EGLN1: variants seen among roughly 807,000 people sequenced by gnomAD.
EGLN1 encodes egl-9 family hypoxia inducible factor 1.
Under a neutral mutation model 38.3 loss-of-function variants are expected in EGLN1, and 17 were observed. The ratio of observed to expected loss-of-function variants is 0.44; its 90% CI spans 0.30 to 0.67. EGLN1 has a LOEUF of 0.67. Among genes scored for constraint, EGLN1 ranks in the 30% least tolerant of loss-of-function variants. The probability of loss-of-function intolerance (pLI) is 0.08; values close to 1 mark genes in which losing one functional copy is unlikely to be tolerated. For synonymous variants in EGLN1, 283 were observed against 257.5 expected (o/e 1.10, Z -0.95); for missense variants, 477 against 603.3 (o/e 0.79, Z 2.19).
chr1:231,366,179 TTAG>T lies in EGLN1; in HGVS notation c.*229_*231del. 1.8e-6 allele frequency: 1 copy of T among 569,480 alleles called. No individual in the cohort carries two copies. The highest frequency in any genetic ancestry group is 2.8e-5 in the East Asian group (1 of 35,170). 35.3% of individuals were successfully genotyped at this position (569,480 alleles called of 1,614,324 possible). ...ATCCAGATGTAAAAACCATTTTCAATTAGTAGCTTATCTTCCTCCTGTAAGCAA... is the reference window on the plus strand; with the variant it reads ...ATCCAGATGTAAAAACCATTTTCAATTAGCTTATCTTCCTCCTGTAAGCAA... On this transcript the variant is annotated 3_prime_UTR_variant, in exon 5 of 5. Transcript: ENST00000366641.
chr1:231,411,262 C>G (rs1042916624), intron 1 of EGLN1, among the ~76,000 whole-genome samples: 3 of 152,058 alleles, frequency 2.0e-5, no homozygotes, highest in African/African-American at 7.2e-5. Flanking sequence ...CAATTCTCCC[C>G]GCCTCCTTCT....
At chr1:231,381,412 A>G (rs963259641) in intron 1 of EGLN1, among the ~76,000 whole-genome samples, 4 of 152,226 alleles carry the variant, frequency 2.6e-5, no homozygotes, top group Non-Finnish European at 5.9e-5. Context: ...TAGAAATATG[A>G]AAAATACAGA....
intron 2 of EGLN1, 108 bp downstream of exon 2, chr1:231,373,872 A>T: frequency 3.7e-6 from 5 of 1,363,008 alleles, no homozygotes; most frequent in Non-Finnish European, 5.1e-6. Flanking sequence ...ATTTAAGAGG[A>T]AAATTTTTAA....
chr1:231,381,060 C>T (rs532196834), intron 1 of EGLN1, among the ~76,000 whole-genome samples: 1 of 152,108 alleles, frequency 6.6e-6, no homozygotes, highest in African/African-American at 2.4e-5. Context: ...GTACACGCTA[C>T]CACACCTGGC....
intron 1 of EGLN1, among the ~76,000 whole-genome samples, chr1:231,378,472 C>A (rs2808585): frequency 1.3e-5 from 2 of 151,528 alleles, no homozygotes; most frequent in African/African-American, 4.8e-5. Flanking sequence ...TTCTTTTTTA[C>A]GTTTTCAGAG....
intron 3 of EGLN1, chr1:231,369,406 G>C (rs932365106): frequency 1.2e-5 from 2 of 172,050 alleles, no homozygotes; most frequent in African/African-American, 4.8e-5. Flanking sequence ...TTCATAAAAA[G>C]GAAGGTCTAT....
At chr1:231,409,462 C>G (rs1186017308) in intron 1 of EGLN1, among the ~76,000 whole-genome samples, 1 of 152,100 alleles carries the variant, frequency 6.6e-6, no homozygotes, top group Non-Finnish European at 1.5e-5. Context: ...TAACACAGAT[C>G]AGACACTCAG....
intron 1 of EGLN1, among the ~76,000 whole-genome samples, chr1:231,400,601 T>C (rs1383860268): frequency 1.3e-5 from 2 of 152,216 alleles, no homozygotes; most frequent in Admixed American, 6.5e-5. Context: ...ATCTGAATAC[T>C]ATCAAAATAA....
intron 1 of EGLN1, among the ~76,000 whole-genome samples, chr1:231,414,425 G>A (rs2808615): frequency 0.48 from 72,161 of 151,554 alleles, 19,254 homozygotes; most frequent in African/African-American, 0.74. Flanking sequence ...TGATGGGAGA[G>A]AAAAGGGAAA....
intron 4 of EGLN1, among the ~76,000 whole-genome samples, chr1:231,366,687 C>T (rs1687656936): frequency 6.6e-6 from 1 of 152,068 alleles, no homozygotes; most frequent in South Asian, 2.1e-4. Context: ...TAAAACCATC[C>T]TCTACACAGA....
intron 1 of EGLN1, among the ~76,000 whole-genome samples, chr1:231,411,791 G>A (rs1688948574): frequency 2.0e-5 from 3 of 151,892 alleles, no homozygotes; most frequent in South Asian, 2.1e-4. Context: ...GAGGTCAGGA[G>A]TTCAAGATCA....
At chr1:231,418,382 A>T (rs1656411191) in intron 1 of EGLN1, among the ~76,000 whole-genome samples, 1 of 152,220 alleles carries the variant, frequency 6.6e-6, no homozygotes. Flanking sequence ...GCAGTGTGCT[A>T]AATAATCTAC....
At chr1:231,393,106 T>G (rs1688435563) in intron 1 of EGLN1, among the ~76,000 whole-genome samples, 1 of 152,238 alleles carries the variant, frequency 6.6e-6, no homozygotes, top group Non-Finnish European at 1.5e-5. Context: ...CTGAAACTAT[T>G]AGGGCCATCT....
At chr1:231,398,053 G>A (rs1159428248) in intron 1 of EGLN1, among the ~76,000 whole-genome samples, 1 of 152,158 alleles carries the variant, frequency 6.6e-6, no homozygotes, top group African/African-American at 2.4e-5. Context: ...ACTATTCAGG[G>A]CAAATGCTAT....
At chr1:231,392,510 A>C (rs1688419458) in intron 1 of EGLN1, among the ~76,000 whole-genome samples, 1 of 152,160 alleles carries the variant, frequency 6.6e-6, no homozygotes, top group Non-Finnish European at 1.5e-5. Flanking sequence ...AAAATGTGAA[A>C]ACTACAATGA....
At chr1:231,412,238 A>G (rs1688971382) in intron 1 of EGLN1, among the ~76,000 whole-genome samples, 3 of 152,124 alleles carry the variant, frequency 2.0e-5, no homozygotes, top group African/African-American at 7.2e-5. Flanking sequence ...TACTTTAGGA[A>G]GCTATCATAT....
intron 1 of EGLN1, among the ~76,000 whole-genome samples, chr1:231,397,885 A>G (rs189258969): frequency 1.7e-3 from 252 of 152,324 alleles, no homozygotes; most frequent in Admixed American, 2.6e-3. Context: ...CTGAGATAAG[A>G]CAGATGAAAT....
rs751382793 is a variant in EGLN1 at position 231,421,741 on chromosome 1, C to T, written c.148G>A (p.Asp50Asn). 6.5e-7 allele frequency: 1 copy of T among 1,544,638 alleles called. No individual in the cohort carries two copies. ...FYCCKEHQRQ[D>N]WKKHKLVCQG... Reference sequence around the variant, plus strand: ...CACACGAGCTTGTGCTTCTTCCAGTCCTGACGCTGGTGCTCCTTGCAGCAG... The same window carrying T: ...CACACGAGCTTGTGCTTCTTCCAGTTCTGACGCTGGTGCTCCTTGCAGCAG... The change falls in exon 1 of 5, where the codon GAC becomes AAC. Residue 50 changes from aspartate to asparagine, a missense_variant. Around this residue, in one of 4 missense-constraint regions of EGLN1, gnomAD observed 298 missense variants for 288.9 expected, o/e 1.03. Transcript: ENST00000366641. The surrounding 1 kb of genome is among the most constrained non-coding windows in gnomAD (Gnocchi z 5.5).
At chr1:231,414,306 T>C (rs905840519) in intron 1 of EGLN1, among the ~76,000 whole-genome samples, 1 of 152,032 alleles carries the variant, frequency 6.6e-6, no homozygotes, top group Non-Finnish European at 1.5e-5. Context: ...TTTAAAGGCC[T>C]AAAGTGAAAA....
Sources: gnomAD v4.1 joint callset for allele counts (sites outside exome capture counted in the v4.1 genomes callset) on GRCh38, gnomAD v4.1.1 for gene constraint, gnomAD v4.1.1 regional missense constraint, Gnocchi (gnomAD v3.1) non-coding constraint, MANE v1.5 for transcripts, NCBI Gene and HGNC (gene_info 2026-07-23, HGNC 2026-07-21) for gene names.